Variants in DIPK1C observed in about 807,000 individuals in gnomAD.
DIPK1C encodes familial non-conventional Alzheimer's dementia.
DIPK1C carries 33 observed loss-of-function variants against 28.0 expected under a neutral mutation model. The observed-to-expected ratio is 1.18, with a 90% confidence interval of 0.89 to 1.58. The LOEUF is 1.58. Ranked by LOEUF, DIPK1C falls within the 40% of genes most tolerant of loss-of-function variation. The probability of loss-of-function intolerance (pLI) is 0.00; values close to 1 mark genes in which losing one functional copy is unlikely to be tolerated. For synonymous variants in DIPK1C, 255 were observed against 248.8 expected (o/e 1.02, Z -0.23); for missense variants, 569 against 568.5 (o/e 1.00, Z -0.01).
At chr18:74,461,387 CCTTT>C (rs1392611788), upstream of DIPK1C, among the ~76,000 whole-genome samples, 8 of 140,772 alleles carry the variant, frequency 5.7e-5, no homozygotes, top group South Asian at 2.3e-4. Flanking sequence ...TTTCTTCCTT[CCTTT>C]CTTTCTTTCT....
intron 3 of DIPK1C, among the ~76,000 whole-genome samples, chr18:74,439,805 G>C (rs554750729): frequency 1.3e-5 from 2 of 152,042 alleles, no homozygotes; most frequent in Non-Finnish European, 2.9e-5. Context: ...GGGTGATGAA[G>C]CGAACCCTGT....
In DIPK1C at chr18:74,447,400, T is replaced by C; in HGVS notation, c.199-117A>G. 9.3e-7 allele frequency: 1 copy of C among 1,073,320 alleles called. No homozygotes were observed. The highest frequency in any genetic ancestry group is 1.3e-6 in the Non-Finnish European group (1 of 771,012). 66.5% of individuals were successfully genotyped at this position (1,073,320 alleles called of 1,614,324 possible). ...GCCCTCAGGACGCTGATAATCCAGC[T>C]GTGCAGAGAAACCTCAGCCCTGTGG... On this transcript the variant is annotated intron_variant, in intron 1 of 3. Transcript: ENST00000343998. This position sits in a 1 kb window ranked among gnomAD's most constrained non-coding sequence, Gnocchi z 4.1.
chr18:74,463,362 A>G, the DIPK1C span, among the ~76,000 whole-genome samples: 1 of 152,174 alleles, frequency 6.6e-6, no homozygotes, highest in Admixed American at 6.5e-5. Context: ...TTTGTTCCTT[A>G]TAGGACTCAG....
At chr18:74,444,278 G>A (rs1986211697) in intron 2 of DIPK1C, among the ~76,000 whole-genome samples, 1 of 152,212 alleles carries the variant, frequency 6.6e-6, no homozygotes, top group Non-Finnish European at 1.5e-5. Flanking sequence ...TTCAGATCAT[G>A]AAGGTTCCTA....
At chr18:74,461,096 G>A (rs1158405035), upstream of DIPK1C, among the ~76,000 whole-genome samples, 1 of 152,186 alleles carries the variant, frequency 6.6e-6, no homozygotes, top group Non-Finnish European at 1.5e-5. Context: ...GAAGGACTCG[G>A]GTGAGAGCCA....
intron 3 of DIPK1C, among the ~76,000 whole-genome samples, chr18:74,439,645 G>A (rs1278894798): frequency 6.6e-6 from 1 of 151,964 alleles, no homozygotes; most frequent in Admixed American, 6.6e-5. Flanking sequence ...GTGAGACCAT[G>A]TCTCTGCAAA....
upstream of DIPK1C, among the ~76,000 whole-genome samples, chr18:74,458,312 G>T (rs550099259): frequency 6.6e-6 from 1 of 152,280 alleles, no homozygotes; most frequent in South Asian, 2.1e-4. Flanking sequence ...CCCAGTACGT[G>T]CCAGCCCATC....
At chr18:74,444,903 C>T (rs1228881995) in intron 2 of DIPK1C, among the ~76,000 whole-genome samples, 2 of 152,104 alleles carry the variant, frequency 1.3e-5, no homozygotes, top group African/African-American at 4.8e-5. Flanking sequence ...ATACTGGAGG[C>T]ACAACTTAGG....
intron 2 of DIPK1C, among the ~76,000 whole-genome samples, chr18:74,442,832 T>C (rs1986173720): frequency 1.3e-5 from 2 of 152,238 alleles, no homozygotes; most frequent in Non-Finnish European, 2.9e-5. Context: ...GCCTTATCAC[T>C]TGGGTCTGTG....
intron 3 of DIPK1C, among the ~76,000 whole-genome samples, chr18:74,440,624 G>A (rs1216806791): frequency 6.6e-6 from 1 of 152,132 alleles, no homozygotes; most frequent in Non-Finnish European, 1.5e-5. Flanking sequence ...TTGTGTATTC[G>A]GTGTCTGTTC....
At chr18:74,438,023 C>A (rs1282188861) in intron 3 of DIPK1C, among the ~76,000 whole-genome samples, 1 of 152,212 alleles carries the variant, frequency 6.6e-6, no homozygotes, top group East Asian at 1.9e-4. Flanking sequence ...TCCTGAGTAG[C>A]TGGGACTACA....
chr18:74,442,193 GT>G, intron 2 of DIPK1C, 77 bp from the exon 3 acceptor site: 5 of 1,548,736 alleles, frequency 3.2e-6, no homozygotes, highest in Non-Finnish European at 4.4e-6. Flanking sequence ...CACAACTTCT[GT>G]TCACCTCGTG....
In DIPK1C at chr18:74,441,876, G is replaced by A. The variant is rs1032510189; in HGVS notation, c.1041+76C>T. 6 of 1,479,124 alleles carry A rather than the reference G, an allele frequency of 4.1e-6. No individual in the cohort carries two copies. The Admixed American group carries it at 7.7e-5, about 19-fold the overall frequency. 91.6% of individuals were successfully genotyped at this position (1,479,124 alleles called of 1,614,324 possible). On this transcript the variant is annotated intron_variant, in intron 3 of 3. Transcript: ENST00000343998. Reference sequence around the variant, plus strand: ...AAAGGTCGACCTTGAGCTCCACTGAGGGTATCTGAAGAGCTAGCGGGCAGA... The same window carrying A: ...AAAGGTCGACCTTGAGCTCCACTGAAGGTATCTGAAGAGCTAGCGGGCAGA...
intron 1 of DIPK1C, among the ~76,000 whole-genome samples, chr18:74,456,566 G>T (rs1986517822): frequency 6.6e-6 from 1 of 152,196 alleles, no homozygotes; most frequent in Admixed American, 6.5e-5. Flanking sequence ...CTCCGCATGG[G>T]CTCGGTGAGA....
chr18:74,457,564 G>A (rs1599044318), upstream of DIPK1C, among the ~76,000 whole-genome samples: 1 of 152,056 alleles, frequency 6.6e-6, no homozygotes, highest in African/African-American at 2.4e-5. Context: ...AACGAAATCC[G>A]GGTAGATTCA....
chr18:74,436,961 G>C (rs1041536472), intron 3 of DIPK1C, among the ~76,000 whole-genome samples: 5 of 152,086 alleles, frequency 3.3e-5, no homozygotes, highest in East Asian at 1.9e-4. Context: ...GTGTGAGGCA[G>C]AAACTTCCCT....
At chr18:74,460,899 C>T (rs1353925274), upstream of DIPK1C, among the ~76,000 whole-genome samples, 1 of 152,254 alleles carries the variant, frequency 6.6e-6, no homozygotes, top group East Asian at 1.9e-4. Flanking sequence ...GGGAGACCAT[C>T]AAGCAGCTCT....
intron 3 of DIPK1C, among the ~76,000 whole-genome samples, chr18:74,437,473 C>T (rs1002967088): frequency 3.9e-5 from 6 of 152,182 alleles, no homozygotes; most frequent in Non-Finnish European, 5.9e-5. Flanking sequence ...CAGCTTCCCC[C>T]ACGCTGGGAG....
intron 1 of DIPK1C, among the ~76,000 whole-genome samples, chr18:74,450,744 T>G (rs1416061901): frequency 6.6e-6 from 1 of 152,230 alleles, no homozygotes; most frequent in African/African-American, 2.4e-5. Flanking sequence ...TGCATGAGCC[T>G]GGATGGGCCA....
Sources: allele counts gnomAD v4.1 joint callset (sites outside exome capture counted in the v4.1 genomes callset), GRCh38; gene constraint gnomAD v4.1.1; non-coding constraint Gnocchi (gnomAD v3.1); transcripts MANE v1.5; gene names NCBI Gene and HGNC (gene_info 2026-07-23, HGNC 2026-07-21).